Variants in ZNF33A observed in about 807,000 individuals in gnomAD.
ZNF33A encodes zinc finger protein 33A.
ZNF33A carries 9 observed loss-of-function variants against 15.9 expected under a neutral mutation model. The observed-to-expected ratio is 0.57, with a 90% CI of 0.34 to 0.99. The LOEUF (loss-of-function observed/expected upper bound fraction) is 0.99. Among genes scored for constraint, ZNF33A ranks in the 50% least tolerant of loss-of-function variants. The pLI is 0.02. For synonymous variants in ZNF33A, 294 were observed against 324.2 expected, an observed-to-expected ratio of 0.91 and a Z score of 1.00; for missense variants, 843 against 941.6, an observed-to-expected ratio of 0.90 and a Z score of 1.37.
intron 4 of ZNF33A, among the ~76,000 whole-genome samples, chr10:38,051,853 AG>A (rs1383608496): frequency 1.3e-5 from 2 of 152,100 alleles, no homozygotes; most frequent in Admixed American, 6.6e-5. Context: ...TGTATTAAAA[AG>A]AAAAAAACAG....
At chr10:38,064,027 C>G, downstream of ZNF33A, 1 of 1,522,106 alleles carries the variant, frequency 6.6e-7, no homozygotes, top group Non-Finnish European at 9.0e-7. Flanking sequence ...AGGCCATCTT[C>G]ACATCAACCC....
chr10:38,063,294 TA>T (rs1429333845), downstream of ZNF33A, among the ~76,000 whole-genome samples: 3 of 152,186 alleles, frequency 2.0e-5, no homozygotes, highest in Non-Finnish European at 4.4e-5. Flanking sequence ...TTTTTAAGGA[TA>T]TTTTTAAGGC....
At position 38,028,370 on chromosome 10, in the gene ZNF33A, C is replaced by T. The variant is rs142552922; in HGVS notation, c.250+10984C>T. Reference sequence around the variant, plus strand: ...AATTATCATTTAAACTAATCACCAACAAGGCAGTGCTTCTGCCATACTGCA... The same window carrying T: ...AATTATCATTTAAACTAATCACCAATAAGGCAGTGCTTCTGCCATACTGCA... On this transcript the variant is annotated intron_variant, in intron 4 of 4. Transcript: ENST00000432900. Among the ~76,000 whole-genome samples the T allele has an allele frequency of 7.6e-3, 1,161 of 152,266 alleles. 14 individuals carry two copies. Among genetic ancestry groups the T allele is most frequent in the African/African-American group, 0.027 (1,117 of 41,554 alleles).
Position 38,058,094 on chromosome 10 carries a change from A to C in ZNF33A, c.*1534A>C. ...CACAAGTAATCTAAGCTTCCACTTT[A>C]GGAAACTAGAAAAAGAAGAGCAAAT... On this transcript the variant is annotated 3_prime_UTR_variant, in exon 5 of 5. Transcript: ENST00000432900. 2 of 964,536 alleles carry C rather than the reference A, an allele frequency of 2.1e-6. No individual in the cohort carries two copies. The highest frequency in any genetic ancestry group is 1.8e-5 in the African/African-American group (1 of 56,890). 59.7% of individuals were successfully genotyped at this position (964,536 alleles called of 1,614,324 possible).
intron 4 of ZNF33A, among the ~76,000 whole-genome samples, chr10:38,024,163 C>CCAA (rs1554902706): frequency 4.9e-4 from 46 of 93,196 alleles, no homozygotes; most frequent in Non-Finnish European, 7.2e-4. Flanking sequence ...AAAAACAAAA[C>CCAA]AAAAAAAAAA....
At chr10:38,048,703 G>A (rs576696001) in intron 4 of ZNF33A, among the ~76,000 whole-genome samples, 3 of 152,218 alleles carry the variant, frequency 2.0e-5, no homozygotes, top group Non-Finnish European at 4.4e-5. Flanking sequence ...TATCGATAGA[G>A]ATCCATTCAT....
At position 38,033,248 on chromosome 10, in the gene ZNF33A, A is replaced by G. The variant is rs894797738; in HGVS notation, c.250+15862A>G. On this transcript the variant is annotated intron_variant, in intron 4 of 4. Coordinates refer to ENST00000432900, the MANE Select transcript of ZNF33A (RefSeq NM_006954.2). ...CCTGGCTTCTTTTTCTTAGCATAAC[A>G]TATTCAAGGTTCATCCATGTTGTAG... Among the ~76,000 whole-genome samples, 94 of 152,156 alleles carry G rather than the reference A, an allele frequency of 6.2e-4. 1 individual carries two copies. Among genetic ancestry groups the G allele is most frequent in the Non-Finnish European group, 6.3e-4 (43 of 68,034 alleles).
intron 4 of ZNF33A, among the ~76,000 whole-genome samples, chr10:38,021,515 C>T (rs2064744826): frequency 6.6e-6 from 1 of 151,992 alleles, no homozygotes; most frequent in Non-Finnish European, 1.5e-5. Context: ...GTGGCGCATG[C>T]CTGTAGTCCC....
At position 38,057,589 on chromosome 10, in the gene ZNF33A, G is replaced by A. The variant is rs994314312; in HGVS notation, c.*1029G>A. On this transcript the variant is annotated 3_prime_UTR_variant, in exon 5 of 5. Coordinates refer to ENST00000432900, the MANE Select transcript of ZNF33A (RefSeq NM_006954.2). Reference sequence around the variant, plus strand: ...AACAATTTAAAAGGAGACCCACAGAGCTAATGTTTATCCATTTAAAAGGTA... The same window carrying A: ...AACAATTTAAAAGGAGACCCACAGAACTAATGTTTATCCATTTAAAAGGTA... 109 of 983,200 alleles carry A rather than the reference G, an allele frequency of 1.1e-4. No homozygotes were observed. Among genetic ancestry groups the A allele is most frequent in the Non-Finnish European group, 1.3e-4 (105 of 828,078 alleles). The allele number at this position is 983,200 out of a possible 1,614,324, so 60.9% of individuals were successfully genotyped here.
chr10:38,021,659 A>G (rs1455262131), intron 4 of ZNF33A, among the ~76,000 whole-genome samples: 2 of 152,192 alleles, frequency 1.3e-5, no homozygotes, highest in African/African-American at 4.8e-5. Flanking sequence ...AAAAAAGAGT[A>G]GTGCCCAACA....
At position 38,011,120 on chromosome 10, in the gene ZNF33A, G is replaced by GC. The variant is rs2064161059; in HGVS notation, c.-45+338dup. 2.6e-5 allele frequency among the ~76,000 whole-genome samples: 4 copies of GC among 152,346 alleles called. No homozygotes were observed. In the South Asian group the frequency reaches 8.3e-4, roughly 32 times the overall value. Reference sequence around the variant, plus strand: ...TGTGCTAGGGCGCCGCGGTACGTGGGCGGGGAAAGGCGGGTGCAGTCGCCC... The same window carrying GC: ...TGTGCTAGGGCGCCGCGGTACGTGGGCCGGGGAAAGGCGGGTGCAGTCGCCC... On this transcript the variant is annotated intron_variant, in intron 1 of 4. Transcript: ENST00000432900.
At position 38,055,190 on chromosome 10, in the gene ZNF33A, C is replaced by T. The variant is rs1401894498; in HGVS notation, c.1066C>T (p.Pro356Ser). 6.2e-7 allele frequency: 1 copy of T among 1,613,990 alleles called. No homozygotes were observed. The highest frequency in any genetic ancestry group is 1.7e-5 in the Admixed American group (1 of 59,994). Residue 356 changes from proline to serine, a missense_variant, in exon 5 of 5, where the codon CCC (proline) becomes TCC (serine). By Grantham distance (74) the Pro-to-Ser change is moderately conservative (BLOSUM62 -1). Transcript: ENST00000432900. ...TCAGAGGGTGCACACAGGACAGAAACCCTTTCAATGTAATGAATGTGAAAA... is the reference window on the plus strand; with the variant it reads ...TCAGAGGGTGCACACAGGACAGAAATCCTTTCAATGTAATGAATGTGAAAA... Reference protein sequence around the residue: ...RHQRVHTGQKPFQCNECEKAF... With the variant: ...RHQRVHTGQKSFQCNECEKAF...
chr10:38,044,613 G>A (rs1012316929), intron 4 of ZNF33A, among the ~76,000 whole-genome samples: 1 of 152,026 alleles, frequency 6.6e-6, no homozygotes, highest in African/African-American at 2.4e-5. Flanking sequence ...GATATTTTCT[G>A]TTTGATGAGG....
intron 4 of ZNF33A, among the ~76,000 whole-genome samples, chr10:38,052,744 A>T (rs2066263102): frequency 1.3e-5 from 2 of 152,126 alleles, no homozygotes; most frequent in Non-Finnish European, 2.9e-5. Flanking sequence ...AAGTTTGCTG[A>T]GACTTGGTCT....
intron 4 of ZNF33A, among the ~76,000 whole-genome samples, chr10:38,042,224 G>A (rs1041667648): frequency 2.7e-5 from 4 of 150,250 alleles, no homozygotes; most frequent in African/African-American, 7.3e-5. Context: ...TCACTTTGTT[G>A]CCCAGGCTGG....
At chr10:38,022,057 T>TA (rs1175632665) in intron 4 of ZNF33A, among the ~76,000 whole-genome samples, 2 of 152,172 alleles carry the variant, frequency 1.3e-5, no homozygotes, top group African/African-American at 4.8e-5. Flanking sequence ...TGCAAACCCA[T>TA]AATTGACTTT....
At chr10:38,013,072 A>G (rs760203231) in intron 2 of ZNF33A, among the ~76,000 whole-genome samples, 2 of 152,052 alleles carry the variant, frequency 1.3e-5, no homozygotes, top group Admixed American at 6.6e-5. Flanking sequence ...TTTCTTTTGG[A>G]TGTAGTGTTT....
At chr10:38,061,698 A>G (rs999348842), downstream of ZNF33A, among the ~76,000 whole-genome samples, 11 of 152,118 alleles carry the variant, frequency 7.2e-5, no homozygotes, top group African/African-American at 2.7e-4. Context: ...CTGGGAGGCC[A>G]AGCACAAATC....
In ZNF33A at chr10:38,055,444, C is replaced by T; in HGVS notation, c.1320C>T (p.Pro440=). The T allele has an allele frequency of 3.7e-6, 6 of 1,614,042 alleles. No homozygotes were observed. Among genetic ancestry groups the T allele is most frequent in the African/African-American group, 1.3e-5 (1 of 75,032 alleles). The change falls in exon 5 of 5, where the codon CCC becomes CCT. Residue 440 remains proline (P), a synonymous_variant. Coordinates refer to ENST00000432900, the MANE Select transcript of ZNF33A (RefSeq NM_006954.2). ...KHQRTHTGLK[P]YECYECGKSF... ...AGAGAACACACACAGGGCTGAAACC[C>T]TATGAATGTTATGAATGTGGAAAAT...
Sources: gnomAD v4.1 joint callset for allele counts (sites outside exome capture counted in the v4.1 genomes callset) on GRCh38, gnomAD v4.1.1 for gene constraint, MANE v1.5 for transcripts, NCBI Gene and HGNC (gene_info 2026-07-23, HGNC 2026-07-21) for gene names.